Variants in LRIF1 observed in about 807,000 individuals in gnomAD.
The protein encoded by LRIF1 is ligand-dependent nuclear receptor-interacting factor 1.
LRIF1 carries 32 observed loss-of-function variants against 52.7 expected under a neutral mutation model. The observed-to-expected ratio is 0.61, with a 90% CI of 0.46 to 0.82. LRIF1 has a LOEUF of 0.82. LRIF1 is among the 40% of genes least tolerant of loss of function. LRIF1 has a pLI of 0.00. For missense variants in LRIF1, 887 were observed against 892.0 expected (o/e 0.99, Z 0.07); for synonymous variants, 323 against 317.4 (o/e 1.02, Z -0.19).
At chr1:110,909,993 T>A in the LRIF1 span, among the ~76,000 whole-genome samples, 61,940 of 151,892 alleles carry the variant, frequency 0.41, 13,123 homozygotes, top group Middle Eastern at 0.53. Context: ...CTATCCTAAA[T>A]ATACATGCAC....
At chr1:110,903,153 C>T in the LRIF1 span, among the ~76,000 whole-genome samples, 2 of 152,332 alleles carry the variant, frequency 1.3e-5, no homozygotes, top group Non-Finnish European at 2.9e-5. Context: ...CCAACAGCTA[C>T]AGTGCTATGT....
the LRIF1 span, among the ~76,000 whole-genome samples, chr1:110,921,937 T>G: frequency 3.3e-5 from 5 of 152,192 alleles, no homozygotes; most frequent in Non-Finnish European, 5.9e-5. Context: ...TTAAGCCCAG[T>G]ACTCAATATT....
At chr1:110,895,609 G>A in the LRIF1 span, among the ~76,000 whole-genome samples, 1 of 152,230 alleles carries the variant, frequency 6.6e-6, no homozygotes, top group Admixed American at 6.5e-5. Context: ...CTGGCTTAGT[G>A]TGGAGTAGAA....
the LRIF1 span, among the ~76,000 whole-genome samples, chr1:110,923,864 T>G: frequency 6.6e-6 from 1 of 152,060 alleles, no homozygotes; most frequent in African/African-American, 2.4e-5. Flanking sequence ...CTGTAAGAAG[T>G]AGAACAAAAT....
Position 110,963,605 on chromosome 1 carries a change from C to A in LRIF1, c.68+16G>T. On this transcript the variant is annotated intron_variant, in intron 1 of 3. Transcript: ENST00000369763. ...CAGAGGGGCAGCCGTGGGGAGGATT[C>A]GAAACCGGTACTTACCAACGCGAGG... The A allele has an allele frequency of 6.2e-7, 1 of 1,600,688 alleles. No individual in the cohort carries two copies. The highest frequency in any genetic ancestry group is 1.1e-5 in the South Asian group (1 of 90,306).
chr1:110,903,800 G>A, the LRIF1 span, among the ~76,000 whole-genome samples: 2 of 152,050 alleles, frequency 1.3e-5, no homozygotes, highest in African/African-American at 4.8e-5. Flanking sequence ...ATGGGCACAG[G>A]GGAATAGAGC....
At chr1:110,916,374 G>C in the LRIF1 span, among the ~76,000 whole-genome samples, 1 of 151,998 alleles carries the variant, frequency 6.6e-6, no homozygotes, top group Non-Finnish European at 1.5e-5. Context: ...TTGTAGGGTC[G>C]AATAACACAT....
the LRIF1 span, among the ~76,000 whole-genome samples, chr1:110,889,278 C>T: frequency 8.1e-4 from 123 of 151,998 alleles, 1 homozygote; most frequent in Middle Eastern, 6.8e-3. Flanking sequence ...AATAATTGGC[C>T]GGGTGTGGTG....
At chr1:110,880,431 GA>G in the LRIF1 span, 2 of 152,148 alleles carry the variant, frequency 1.3e-5, no homozygotes, top group South Asian at 4.1e-4. Flanking sequence ...GTGAAGGAAA[GA>G]ATCAGTAGGA....
chr1:110,911,611 C>T, the LRIF1 span, among the ~76,000 whole-genome samples: 61,851 of 151,914 alleles, frequency 0.41, 13,112 homozygotes, highest in Middle Eastern at 0.53. Flanking sequence ...CAACAAAATA[C>T]GAGCAAATTG....
the LRIF1 span, among the ~76,000 whole-genome samples, chr1:110,922,949 C>T: frequency 6.6e-6 from 1 of 152,170 alleles, no homozygotes; most frequent in African/African-American, 2.4e-5. Flanking sequence ...AGCTCTCCTT[C>T]TCTTCCTCTT....
At chr1:110,876,628 C>T in the LRIF1 span, among the ~76,000 whole-genome samples, 1 of 151,916 alleles carries the variant, frequency 6.6e-6, no homozygotes, top group Non-Finnish European at 1.5e-5. Context: ...ATATCAGGAG[C>T]AAATAAAGGC....
the LRIF1 span, among the ~76,000 whole-genome samples, chr1:110,931,792 T>A: frequency 1.3e-5 from 2 of 152,220 alleles, no homozygotes; most frequent in Non-Finnish European, 2.9e-5. Context: ...TCTTTTGAGA[T>A]GTGTCTGTTC....
chr1:110,895,025 C>T, the LRIF1 span: 2 of 1,613,696 alleles, frequency 1.2e-6, no homozygotes. Context: ...ACAATAGCAC[C>T]AAGGCAGCGT....
chr1:110,886,426 AT>A, the LRIF1 span, among the ~76,000 whole-genome samples: 1 of 152,064 alleles, frequency 6.6e-6, no homozygotes, highest in Admixed American at 6.6e-5. Context: ...TTAGGATTTT[AT>A]TTAGTCATTA....
chr1:110,923,625 G>T, the LRIF1 span, among the ~76,000 whole-genome samples: 5 of 152,060 alleles, frequency 3.3e-5, no homozygotes, highest in South Asian at 2.1e-4. Flanking sequence ...ATGAATTAAA[G>T]AAATAAACAA....
At chr1:110,887,111 T>G in the LRIF1 span, among the ~76,000 whole-genome samples, 1 of 151,608 alleles carries the variant, frequency 6.6e-6, no homozygotes, top group East Asian at 1.9e-4. Context: ...TCACCCAGGC[T>G]GTAGTGCAGT....
chr1:110,885,399 G>A, the LRIF1 span, among the ~76,000 whole-genome samples: 1 of 152,170 alleles, frequency 6.6e-6, no homozygotes, highest in Non-Finnish European at 1.5e-5. Context: ...TTAGCTGGAC[G>A]TGGTGGCAGG....
At chr1:110,914,671 T>C in the LRIF1 span, among the ~76,000 whole-genome samples, 1 of 152,068 alleles carries the variant, frequency 6.6e-6, no homozygotes, top group East Asian at 1.9e-4. Context: ...GAGAATCACT[T>C]GAACCCAGGA....
Sources: allele counts gnomAD v4.1 joint callset (sites outside exome capture counted in the v4.1 genomes callset), GRCh38; gene constraint gnomAD v4.1.1; transcripts MANE v1.5; gene names NCBI Gene and HGNC (gene_info 2026-07-23, HGNC 2026-07-21).